SLC39A10: variants seen among roughly 807,000 people sequenced by gnomAD.
SLC39A10 encodes the protein solute carrier family 39 member 10, also known as zinc transporter ZIP10.
SLC39A10 carries 13 observed loss-of-function variants against 65.1 expected under a neutral mutation model. The ratio of observed to expected loss-of-function variants is 0.20; its 90% CI spans 0.13 to 0.32. The LOEUF is 0.32. Ranked by LOEUF, SLC39A10 falls within the 10% of genes least tolerant of loss-of-function variation. The pLI is 1.00. For synonymous variants in SLC39A10, 321 were observed against 342.2 expected (o/e 0.94, Z 0.68); for missense variants, 831 against 1,018.4 (o/e 0.82, Z 2.50).
chr2:195,675,165 C>G (rs993191206), intron 1 of SLC39A10, among the ~76,000 whole-genome samples: 3 of 152,102 alleles, frequency 2.0e-5, no homozygotes, highest in Admixed American at 1.3e-4. Flanking sequence ...TGAAGATGAA[C>G]CTTCCATCCA....
chr2:195,614,764 A>G (rs13384767), intron 2 of SLC39A10, among the ~76,000 whole-genome samples: 2,264 of 123,106 alleles, frequency 0.018, 67 homozygotes, highest in African/African-American at 0.058. Context: ...AATATAAATG[A>G]AAAAAATAGT....
chr2:195,619,848 A>G (rs565067824), intron 2 of SLC39A10, among the ~76,000 whole-genome samples: 12 of 152,326 alleles, frequency 7.9e-5, no homozygotes, highest in African/African-American at 2.9e-4. Context: ...GTCCCAGCAT[A>G]CTATGTCCAA....
chr2:195,728,218 C>T lies in SLC39A10; in HGVS notation c.2206C>T (p.Leu736Phe). 1.9e-6 allele frequency: 3 copies of T among 1,613,980 alleles called. No homozygotes were observed. The highest frequency in any genetic ancestry group is 1.7e-6 in the Non-Finnish European group (2 of 1,179,890). Residue 736 changes from leucine to phenylalanine, a missense_variant, in exon 9 of 10, where the codon CTC (leucine) becomes TTC (phenylalanine). Around this residue, in one of 4 missense-constraint regions of SLC39A10, gnomAD observed 120 missense variants for 203.9 expected, o/e 0.59. Transcript: ENST00000359634. This position sits in a 1 kb window ranked among gnomAD's most constrained non-coding sequence, Gnocchi z 4.4. The part of the protein sequence containing the change: ...MTVKQAIVYN[L>F]LSAMMAYIGM... The stretch of plus-strand genomic sequence containing the variant: ...TGTAAAGCAAGCAATTGTATACAAC[C>T]TCCTCTCTGCCATGATGGCTTACAT...
At chr2:195,674,636 GTA>G in intron 1 of SLC39A10, 1 of 985,304 alleles carries the variant, frequency 1.0e-6, no homozygotes. Flanking sequence ...TGTTCTGTGA[GTA>G]TTGCCTCTCC....
chr2:195,721,594 C>T (rs962215103), intron 8 of SLC39A10, among the ~76,000 whole-genome samples: 2 of 152,046 alleles, frequency 1.3e-5, no homozygotes, highest in East Asian at 1.9e-4. Context: ...ACAGATACGA[C>T]GTCTTATGCT....
At chr2:195,678,230 C>T (rs1690169063) in intron 1 of SLC39A10, among the ~76,000 whole-genome samples, 1 of 152,192 alleles carries the variant, frequency 6.6e-6, no homozygotes, top group African/African-American at 2.4e-5. Flanking sequence ...TCTAATACTA[C>T]TGTCAGTACA....
chr2:195,618,840 C>T (rs1382517135), intron 2 of SLC39A10, among the ~76,000 whole-genome samples: 1 of 151,958 alleles, frequency 6.6e-6, no homozygotes, highest in African/African-American at 2.4e-5. Context: ...CGCCTGTAAT[C>T]CCAGCACTTC....
intron 3 of SLC39A10, among the ~76,000 whole-genome samples, chr2:195,690,144 C>G (rs1309389341): frequency 1.6e-5 from 2 of 122,162 alleles, no homozygotes; most frequent in Admixed American, 1.1e-4. Flanking sequence ...CCACTGCACT[C>G]CAGACTGGGC....
intron 2 of SLC39A10, among the ~76,000 whole-genome samples, chr2:195,646,380 A>G (rs1375814844): frequency 6.6e-6 from 1 of 152,162 alleles, no homozygotes; most frequent in East Asian, 1.9e-4. Context: ...TCCCTATCAC[A>G]GTTTCCTAAT....
chr2:195,729,277 C>T (rs1187097866), intron 9 of SLC39A10, among the ~76,000 whole-genome samples: 21 of 152,078 alleles, frequency 1.4e-4, no homozygotes, highest in Admixed American at 4.6e-4. Context: ...CTACCACACC[C>T]GGCCCAGCCT....
chr2:195,653,550 C>A (rs1207182307), upstream of SLC39A10, among the ~76,000 whole-genome samples: 2 of 152,168 alleles, frequency 1.3e-5, no homozygotes, highest in Non-Finnish European at 2.9e-5. Context: ...CCGCCTTGGC[C>A]TCCATAAGTG....
intron 2 of SLC39A10, among the ~76,000 whole-genome samples, chr2:195,642,493 G>C (rs927959423): frequency 5.3e-5 from 8 of 152,162 alleles, no homozygotes; most frequent in Non-Finnish European, 1.0e-4. Context: ...AATGTGTTCT[G>C]CTTGGGACAT....
At chr2:195,620,815 T>A (rs536287007) in intron 2 of SLC39A10, among the ~76,000 whole-genome samples, 1 of 152,230 alleles carries the variant, frequency 6.6e-6, no homozygotes, top group Non-Finnish European at 1.5e-5. Context: ...CCAATCAAAG[T>A]TTATTGAATG....
At chr2:195,705,590 T>C (rs1453102076) in intron 3 of SLC39A10, among the ~76,000 whole-genome samples, 1 of 152,096 alleles carries the variant, frequency 6.6e-6, no homozygotes, top group Non-Finnish European at 1.5e-5. Flanking sequence ...ATTTTTTCAA[T>C]ATTATATCAC....
intron 3 of SLC39A10, among the ~76,000 whole-genome samples, chr2:195,701,368 A>C (rs1222083102): frequency 9.1e-6 from 1 of 109,802 alleles, no homozygotes. Flanking sequence ...TCCTTCAGAC[A>C]GTTGTTTTAA....
At chr2:195,717,233 A>G (rs994061457) in intron 7 of SLC39A10, 1 of 440,800 alleles carries the variant, frequency 2.3e-6, no homozygotes, top group Non-Finnish European at 3.9e-6. Flanking sequence ...TTTCTTTAAT[A>G]ACTTGATTTC....
At position 195,629,391 on chromosome 2, in the gene SLC39A10, T is replaced by C. The variant is rs1006938035; in HGVS notation, c.-12+23158T>C. ...CCTGGACGACAGAGCGAGATTCCTT[T>C]CAAAAAAAAAAAAAAAAAAGAGTTA... is the stretch of plus-strand genomic sequence containing the variant. On this transcript the variant is annotated intron_variant, in intron 2 of 2. Transcript: ENST00000458054. Among the ~76,000 whole-genome samples, 192 of 127,272 alleles carry C rather than the reference T, an allele frequency of 1.5e-3. 1 individual carries two copies. The highest frequency in any genetic ancestry group is 5.4e-3 in the African/African-American group (170 of 31,278). 83.5% of individuals were successfully genotyped at this position (127,272 alleles called of 152,430 possible).
At chr2:195,661,315 A>G (rs1689386989) in intron 1 of SLC39A10, among the ~76,000 whole-genome samples, 1 of 152,122 alleles carries the variant, frequency 6.6e-6, no homozygotes, top group Non-Finnish European at 1.5e-5. Context: ...AAAATATCCA[A>G]ACATATTCTC....
chr2:195,649,915 G>A (rs1321082469), intron 2 of SLC39A10, among the ~76,000 whole-genome samples: 2 of 152,046 alleles, frequency 1.3e-5, no homozygotes, highest in Non-Finnish European at 2.9e-5. Context: ...CTTTCCCTTT[G>A]TACCACACTA....
Sources: allele counts gnomAD v4.1 joint callset (sites outside exome capture counted in the v4.1 genomes callset), GRCh38; gene constraint gnomAD v4.1.1; regional missense constraint gnomAD v4.1.1; non-coding constraint Gnocchi (gnomAD v3.1); transcripts MANE v1.5; gene names NCBI Gene and HGNC (gene_info 2026-07-23, HGNC 2026-07-21).